The following PHF21A variants were observed in gnomAD, a reference collection of about 807,000 sequenced individuals.
PHF21A encodes the protein BHC80a.
A neutral mutation model predicts 82.5 loss-of-function variants in PHF21A; 11 were observed. The ratio of observed to expected loss-of-function variants is 0.13; its 90% CI spans 0.08 to 0.22. The LOEUF is 0.22. Among genes scored for constraint, PHF21A ranks in the 10% least tolerant of loss-of-function variants. PHF21A has a pLI of 1.00. For missense variants in PHF21A, 579 were observed against 837.8 expected, an observed-to-expected ratio of 0.69 and a Z score of 3.81; for synonymous variants, 297 against 302.8, an observed-to-expected ratio of 0.98 and a Z score of 0.20.
chr11:46,088,640 C>T (rs2096884483), intron 3 of PHF21A, among the ~76,000 whole-genome samples: 1 of 152,214 alleles, frequency 6.6e-6, no homozygotes, highest in Admixed American at 6.5e-5. Context: ...GAAACAATAT[C>T]ACCTACTTCA....
chr11:45,979,689 C>A, intron 7 of PHF21A, 71 bp downstream of exon 7: 1 of 1,607,308 alleles, frequency 6.2e-7, no homozygotes. Context: ...TGAGACAGGA[C>A]CCAGTTCTAT....
chr11:46,051,549 T>C (rs2096366231), intron 6 of PHF21A, among the ~76,000 whole-genome samples: 1 of 152,012 alleles, frequency 6.6e-6, no homozygotes. Flanking sequence ...TCAAACAGAG[T>C]ACTCTAACTT....
chr11:46,040,594 A>AT (rs1456143732), intron 6 of PHF21A, among the ~76,000 whole-genome samples: 1 of 152,168 alleles, frequency 6.6e-6, no homozygotes, highest in African/African-American at 2.4e-5. Flanking sequence ...AACTAATACA[A>AT]TCTAGTGCAC....
chr11:46,042,014 T>C (rs2096153402), intron 6 of PHF21A, among the ~76,000 whole-genome samples: 1 of 152,170 alleles, frequency 6.6e-6, no homozygotes, highest in African/African-American at 2.4e-5. Context: ...GTGTTAAAAA[T>C]GGCAATTTTC....
intron 10 of PHF21A, among the ~76,000 whole-genome samples, chr11:45,961,865 G>A (rs939506110): frequency 6.6e-5 from 10 of 152,162 alleles, no homozygotes; most frequent in African/African-American, 2.4e-4. Flanking sequence ...TGTCTAAAAC[G>A]AGTCTTCAGC....
intron 7 of PHF21A, among the ~76,000 whole-genome samples, chr11:45,973,489 G>C (rs1039699485): frequency 1.3e-5 from 2 of 152,106 alleles, no homozygotes; most frequent in Non-Finnish European, 2.9e-5. Flanking sequence ...TTTCCTCTTC[G>C]CTAAGTGGCT....
intron 10 of PHF21A, among the ~76,000 whole-genome samples, chr11:45,955,835 C>T (rs1189056220): frequency 6.6e-6 from 1 of 152,148 alleles, no homozygotes; most frequent in Non-Finnish European, 1.5e-5. Flanking sequence ...AACGGAACCT[C>T]CAGCCAACAG....
At chr11:45,969,365 T>C (rs780423906) in intron 9 of PHF21A, among the ~76,000 whole-genome samples, 1 of 152,206 alleles carries the variant, frequency 6.6e-6, no homozygotes, top group South Asian at 2.1e-4. Flanking sequence ...AAGCAAGGCT[T>C]TGCCTTTAAG....
At chr11:46,015,524 A>AT (rs1189302506) in intron 6 of PHF21A, among the ~76,000 whole-genome samples, 1 of 151,866 alleles carries the variant, frequency 6.6e-6, no homozygotes, top group African/African-American at 2.4e-5. Flanking sequence ...GCTTAGTGTA[A>AT]TTTTTTTGCT....
intron 6 of PHF21A, among the ~76,000 whole-genome samples, chr11:45,991,217 T>A (rs937856699): frequency 1.3e-5 from 2 of 152,230 alleles, no homozygotes; most frequent in African/African-American, 2.4e-5. Flanking sequence ...GATAGTTCAT[T>A]TCTTTTTAGC....
intron 1 of PHF21A, among the ~76,000 whole-genome samples, chr11:46,115,317 G>A (rs575059187): frequency 5.3e-5 from 8 of 152,216 alleles, no homozygotes; most frequent in South Asian, 2.1e-4. Context: ...TGAGGGACAA[G>A]TAATAGAAAA....
chr11:45,965,717 T>C, intron 9 of PHF21A, 109 bp from the exon 10 acceptor site: 1 of 844,004 alleles, frequency 1.2e-6, no homozygotes, highest in East Asian at 2.7e-5. Context: ...CACTTATTAA[T>C]GTTCATTTTG....
Position 46,121,169 on chromosome 11 carries a change from T to TC in PHF21A, c.-472dup, listed in dbSNP as rs1853175646. ...CTCCTCCTCCTCCTCTCCTCTCCTC[T>TC]CTCTCTCACTCACTCTCTCTCTCTC... is the stretch of plus-strand genomic sequence containing the variant. On this transcript the variant is annotated 5_prime_UTR_variant, in exon 1 of 19. Transcript: ENST00000676320. 1.5e-5 allele frequency: 1 copy of TC among 65,654 alleles called. No homozygotes were observed. The highest frequency in any genetic ancestry group is 3.2e-5 in the Non-Finnish European group (1 of 31,446). The allele number at this position is 65,654 out of a possible 1,614,324, so 4.1% of individuals were successfully genotyped here.
intron 10 of PHF21A, among the ~76,000 whole-genome samples, chr11:45,955,775 AGCCAGCTGC>A (rs1278864532): frequency 2.6e-5 from 4 of 152,230 alleles, no homozygotes; most frequent in African/African-American, 9.6e-5. Flanking sequence ...CTCTGGGGGA[AGCCAGCTGC>A]CACGTTGTGA....
chr11:46,121,165 CCTCT>C lies in PHF21A; in HGVS notation c.-471_-468del, dbSNP rs752788110. The stretch of plus-strand genomic sequence containing the variant: ...CCTCCTCCTCCTCCTCCTCTCCTCT[CCTCT>C]CTCTCTCACTCACTCTCTCTCTCTC... On this transcript the variant is annotated 5_prime_UTR_variant, in exon 1 of 19. Coordinates refer to ENST00000676320, the MANE Select transcript of PHF21A (RefSeq NM_001352027.3). 2.4e-5 allele frequency: 2 copies of C among 85,072 alleles called. No individual in the cohort carries two copies. The highest frequency in any genetic ancestry group is 4.7e-5 in the Non-Finnish European group (2 of 42,776). The allele number at this position is 85,072 out of a possible 1,614,324, so 5.3% of individuals were successfully genotyped here.
At position 45,945,989 on chromosome 11, in the gene PHF21A, A is replaced by G; in HGVS notation, c.1303T>C (p.Tyr435His). 6.2e-7 allele frequency: 1 copy of G among 1,613,870 alleles called. No individual in the cohort carries two copies. The highest frequency in any genetic ancestry group is 8.5e-7 in the Non-Finnish European group (1 of 1,179,852). The change falls in exon 15 of 19, where the codon TAC becomes CAC. Residue 435 changes from tyrosine to histidine, a missense_variant. Tyr to His is a moderately conservative substitution (Grantham distance 83, BLOSUM62 2). Around this residue, in one of 3 missense-constraint regions of PHF21A, gnomAD observed 410 missense variants for 642.1 expected, o/e 0.64. Coordinates refer to ENST00000676320, the MANE Select transcript of PHF21A (RefSeq NM_001352027.3). ...GCTCCAAACCCCAGCACTGCATTGT[A>G]TTTTGGAGGACGACCTATATACCAA... is the stretch of plus-strand genomic sequence containing the variant. ...GTRKRGRPPK[Y>H]NAVLGFGALT...
intron 6 of PHF21A, among the ~76,000 whole-genome samples, chr11:46,073,288 A>C (rs1220062155): frequency 1.3e-5 from 2 of 151,674 alleles, no homozygotes; most frequent in African/African-American, 2.4e-5. Flanking sequence ...AGACAGCGCC[A>C]CTGCACTCCA....
intron 6 of PHF21A, among the ~76,000 whole-genome samples, chr11:46,003,396 TC>T (rs2095206730): frequency 6.6e-6 from 1 of 151,850 alleles, no homozygotes; most frequent in Non-Finnish European, 1.5e-5. Context: ...ACCTATCCTC[TC>T]CCCCACTGCT....
At chr11:45,945,754 G>GCA in intron 15 of PHF21A, 86 bp downstream of exon 15, 1 of 1,133,796 alleles carries the variant, frequency 8.8e-7, no homozygotes, top group Non-Finnish European at 1.2e-6. Flanking sequence ...TCAAGAAGGT[G>GCA]CAAGTCGATA....
Sources: gnomAD v4.1 joint callset for allele counts (sites outside exome capture counted in the v4.1 genomes callset) on GRCh38, gnomAD v4.1.1 for gene constraint, gnomAD v4.1.1 regional missense constraint, MANE v1.5 for transcripts, NCBI Gene and HGNC (gene_info 2026-07-23, HGNC 2026-07-21) for gene names.